Variants in SLC24A2 observed in about 807,000 individuals in gnomAD.
SLC24A2 encodes sodium/potassium/calcium exchanger 2.
In SLC24A2, 36 loss-of-function variants were observed where a neutral mutation model predicts 62.0. The ratio of observed to expected loss-of-function variants is 0.58; its 90% CI spans 0.44 to 0.77. The LOEUF (loss-of-function observed/expected upper bound fraction) is 0.77. Among genes scored for constraint, SLC24A2 ranks in the 30% least tolerant of loss-of-function variants. The pLI is 0.00. For synonymous variants in SLC24A2, 358 were observed against 294.0 expected (o/e 1.22, Z -2.23); for missense variants, 846 against 817.9 (o/e 1.03, Z -0.42).
chr9:19,671,719 G>C (rs1003075659), intron 2 of SLC24A2, among the ~76,000 whole-genome samples: 10 of 152,130 alleles, frequency 6.6e-5, no homozygotes, highest in African/African-American at 1.9e-4. Context: ...ATTATCTTAA[G>C]ATACGTCCCT....
the SLC24A2 span, among the ~76,000 whole-genome samples, chr9:19,993,072 T>A: frequency 2.0e-5 from 3 of 152,160 alleles, no homozygotes; most frequent in African/African-American, 7.2e-5. Context: ...GATATTAACC[T>A]TCAACCCCAT....
the SLC24A2 span, among the ~76,000 whole-genome samples, chr9:19,901,284 G>T: frequency 6.6e-6 from 1 of 152,166 alleles, no homozygotes; most frequent in South Asian, 2.1e-4. Context: ...GGGTGTAGGG[G>T]AGGACTCAGG....
chr9:19,890,261 G>T, the SLC24A2 span, among the ~76,000 whole-genome samples: 127 of 152,310 alleles, frequency 8.3e-4, no homozygotes, highest in African/African-American at 2.8e-3. Context: ...ACATTGTATT[G>T]CTTATGCCAT....
chr9:20,112,653 C>G, the SLC24A2 span, among the ~76,000 whole-genome samples: 1 of 152,116 alleles, frequency 6.6e-6, no homozygotes, highest in Admixed American at 6.6e-5. Context: ...ACGGGAAGCC[C>G]TGCCTAGATG....
chr9:19,835,419 T>G, the SLC24A2 span, among the ~76,000 whole-genome samples: 1 of 152,190 alleles, frequency 6.6e-6, no homozygotes, highest in Non-Finnish European at 1.5e-5. Context: ...AGGCAGGGGT[T>G]CCCATCCTAG....
At chr9:20,220,840 C>T in the SLC24A2 span, among the ~76,000 whole-genome samples, 69,638 of 151,938 alleles carry the variant, frequency 0.46, 17,627 homozygotes, top group Non-Finnish European at 0.59. Context: ...CCCTCACCTA[C>T]CTAAACGAAA....
the SLC24A2 span, among the ~76,000 whole-genome samples, chr9:19,823,370 T>C: frequency 4.2e-4 from 64 of 152,170 alleles, 1 homozygote; most frequent in African/African-American, 1.5e-3. Flanking sequence ...GAAAAAGTTA[T>C]AGGCGTGATA....
At chr9:19,616,422 G>C (rs530300193) in intron 4 of SLC24A2, among the ~76,000 whole-genome samples, 1 of 152,324 alleles carries the variant, frequency 6.6e-6, no homozygotes, top group South Asian at 2.1e-4. Context: ...CACACAGCTA[G>C]TAAATGCAGA....
the SLC24A2 span, among the ~76,000 whole-genome samples, chr9:19,846,340 G>C: frequency 6.6e-6 from 1 of 152,246 alleles, no homozygotes; most frequent in South Asian, 2.1e-4. Flanking sequence ...TTATTATTAT[G>C]TAATGCCTTT....
At chr9:20,275,216 A>G in the SLC24A2 span, among the ~76,000 whole-genome samples, 2 of 152,184 alleles carry the variant, frequency 1.3e-5, no homozygotes, top group South Asian at 4.1e-4. Flanking sequence ...ACGGCAAACA[A>G]GTGAGGAGAG....
chr9:20,145,102 T>C, the SLC24A2 span, among the ~76,000 whole-genome samples: 1 of 152,154 alleles, frequency 6.6e-6, no homozygotes, highest in African/African-American at 2.4e-5. Context: ...ACGTATTTTG[T>C]GAACCAAAAA....
chr9:19,971,884 G>A, the SLC24A2 span, among the ~76,000 whole-genome samples: 1 of 152,048 alleles, frequency 6.6e-6, no homozygotes, highest in African/African-American at 2.4e-5. Context: ...AACCCTATAA[G>A]GCAGGCATTT....
chr9:19,816,675 A>G, the SLC24A2 span, among the ~76,000 whole-genome samples: 1 of 152,130 alleles, frequency 6.6e-6, no homozygotes, highest in Non-Finnish European at 1.5e-5. Flanking sequence ...CAATCATGGC[A>G]GAAGATGAAG....
the SLC24A2 span, among the ~76,000 whole-genome samples, chr9:19,920,494 C>T: frequency 6.6e-6 from 1 of 152,068 alleles, no homozygotes; most frequent in Non-Finnish European, 1.5e-5. Flanking sequence ...GAAGTACTGC[C>T]ATGGAAGTGA....
the SLC24A2 span, among the ~76,000 whole-genome samples, chr9:20,184,014 A>G: frequency 6.6e-6 from 1 of 152,228 alleles, no homozygotes; most frequent in African/African-American, 2.4e-5. Context: ...TGCAAACCAT[A>G]CATCTGATAA....
intron 2 of SLC24A2, among the ~76,000 whole-genome samples, chr9:19,659,923 G>A (rs965763269): frequency 1.3e-5 from 2 of 152,170 alleles, no homozygotes; most frequent in Non-Finnish European, 2.9e-5. Flanking sequence ...TACCATCAAA[G>A]CCTAAAACTA....
chr9:19,765,530 G>C, intron 2 of SLC24A2, among the ~76,000 whole-genome samples: 1 of 152,168 alleles, frequency 6.6e-6, no homozygotes, highest in Non-Finnish European at 1.5e-5. Flanking sequence ...TGTCTGTAAA[G>C]GATTTTATTT....
chr9:20,004,920 A>G, the SLC24A2 span, among the ~76,000 whole-genome samples: 3 of 152,186 alleles, frequency 2.0e-5, no homozygotes, highest in African/African-American at 7.2e-5. Flanking sequence ...TTGAAAAAAA[A>G]GAAGCATCTG....
chr9:20,260,740 G>T, the SLC24A2 span, among the ~76,000 whole-genome samples: 3 of 151,496 alleles, frequency 2.0e-5, no homozygotes, highest in Admixed American at 6.6e-5. Flanking sequence ...TGAGCTTTTG[G>T]TGCACCTATC....
Sources: allele counts gnomAD v4.1 joint callset (sites outside exome capture counted in the v4.1 genomes callset), GRCh38; gene constraint gnomAD v4.1.1; transcripts MANE v1.5; gene names NCBI Gene and HGNC (gene_info 2026-07-23, HGNC 2026-07-21).